NXPE2: variants seen among roughly 807,000 people sequenced by gnomAD.
NXPE2 encodes the protein NXPE family member 2.
In NXPE2, 34 loss-of-function variants were observed where a neutral mutation model predicts 34.4. That is an observed-to-expected ratio of 0.99 (90% CI 0.75 to 1.31). The LOEUF is 1.31. Ranked by LOEUF, NXPE2 falls within the 40% of genes most tolerant of loss-of-function variation. The probability of loss-of-function intolerance (pLI) is 0.00; values close to 1 mark genes in which losing one functional copy is unlikely to be tolerated. For synonymous variants in NXPE2, 235 were observed against 231.3 expected, an observed-to-expected ratio of 1.02 and a Z score of -0.15; for missense variants, 649 against 672.5, an observed-to-expected ratio of 0.97 and a Z score of 0.39.
chr11:114,660,109 G>A, the NXPE2 span, among the ~76,000 whole-genome samples: 4 of 152,132 alleles, frequency 2.6e-5, no homozygotes, highest in African/African-American at 9.6e-5. Flanking sequence ...TAGATAACCT[G>A]AAAATTCTAT....
the NXPE2 span, among the ~76,000 whole-genome samples, chr11:114,464,822 A>C: frequency 1.3e-5 from 2 of 152,080 alleles, no homozygotes; most frequent in East Asian, 3.8e-4. Flanking sequence ...AAAAACTCAT[A>C]CCTAATATAC....
the NXPE2 span, among the ~76,000 whole-genome samples, chr11:114,796,221 T>A: frequency 1.1e-4 from 16 of 152,192 alleles, no homozygotes; most frequent in African/African-American, 3.6e-4. Flanking sequence ...TGTAGAGATT[T>A]GTTACACTGA....
the NXPE2 span, among the ~76,000 whole-genome samples, chr11:114,490,014 G>A: frequency 1.3e-5 from 2 of 152,146 alleles, no homozygotes; most frequent in African/African-American, 2.4e-5. Context: ...GCAGTCTCAG[G>A]ATACAAAATC....
chr11:114,517,828 A>G, the NXPE2 span: 2 of 152,340 alleles, frequency 1.3e-5, no homozygotes, highest in African/African-American at 4.8e-5. Context: ...GGGCCTTCAT[A>G]AACCATGCCC....
the NXPE2 span, among the ~76,000 whole-genome samples, chr11:114,810,320 C>G: frequency 6.7e-6 from 1 of 149,646 alleles, no homozygotes; most frequent in Non-Finnish European, 1.5e-5. Flanking sequence ...GCAATGGCAA[C>G]AAAAGCCAAA....
upstream of NXPE2, chr11:114,678,495 T>G (rs972420546): frequency 8.6e-7 from 1 of 1,167,714 alleles, no homozygotes; most frequent in Admixed American, 2.3e-5. Context: ...ATAGGGAAAC[T>G]CCAACCCTAA....
the NXPE2 span, among the ~76,000 whole-genome samples, chr11:114,517,450 C>T: frequency 2.0e-5 from 3 of 152,140 alleles, no homozygotes; most frequent in Non-Finnish European, 4.4e-5. Flanking sequence ...TTGATTCTTC[C>T]TTCTCTCAGT....
At chr11:114,562,258 G>T in the NXPE2 span, among the ~76,000 whole-genome samples, 8 of 152,174 alleles carry the variant, frequency 5.3e-5, no homozygotes, top group Non-Finnish European at 1.0e-4. Flanking sequence ...TTTCTTCTGG[G>T]AGAGTGGTTA....
the NXPE2 span, among the ~76,000 whole-genome samples, chr11:114,467,979 G>T: frequency 6.6e-6 from 1 of 151,662 alleles, no homozygotes; most frequent in South Asian, 2.1e-4. Flanking sequence ...AGATCCCTAA[G>T]AAATAAGTAG....
the NXPE2 span, among the ~76,000 whole-genome samples, chr11:114,778,996 C>T: frequency 4.6e-5 from 7 of 152,310 alleles, no homozygotes; most frequent in Admixed American, 1.3e-4. Flanking sequence ...ATGCTGGCCA[C>T]GAGCAGGCCT....
chr11:114,495,325 G>A, the NXPE2 span, among the ~76,000 whole-genome samples: 2 of 152,170 alleles, frequency 1.3e-5, no homozygotes, highest in African/African-American at 4.8e-5. Context: ...TCTGGCTGCT[G>A]GTGGGTCCAG....
At chr11:114,483,296 G>C in the NXPE2 span, among the ~76,000 whole-genome samples, 1 of 152,230 alleles carries the variant, frequency 6.6e-6, no homozygotes, top group South Asian at 2.1e-4. Context: ...TGAAAAATAA[G>C]TATAATAATA....
the NXPE2 span, among the ~76,000 whole-genome samples, chr11:114,540,837 C>CTTTTTTTTTTTTTTTTTTTT: frequency 6.3e-5 from 3 of 47,472 alleles, 1 homozygote; most frequent in Non-Finnish European, 4.7e-5. Context: ...AGAAAGCCAT[C>CTTTTTTTTTTTTTTTTTTTT]TTTTTTTTTT....
chr11:114,656,468 C>A, the NXPE2 span, among the ~76,000 whole-genome samples: 252 of 152,158 alleles, frequency 1.7e-3, 3 homozygotes, highest in Admixed American at 0.016. Context: ...CCCTCTATAG[C>A]CAAGACAATT....
chr11:114,640,173 A>AACAC, the NXPE2 span, among the ~76,000 whole-genome samples: 12 of 132,170 alleles, frequency 9.1e-5, no homozygotes, highest in Non-Finnish European at 1.4e-4. Flanking sequence ...TATATAAATA[A>AACAC]TTTATATATT....
At chr11:114,655,212 T>C in the NXPE2 span, among the ~76,000 whole-genome samples, 1 of 152,260 alleles carries the variant, frequency 6.6e-6, no homozygotes, top group South Asian at 2.1e-4. Context: ...TCCTTGTAAA[T>C]GCTGGATATT....
chr11:114,545,940 C>T, the NXPE2 span, among the ~76,000 whole-genome samples: 11 of 152,038 alleles, frequency 7.2e-5, no homozygotes, highest in East Asian at 3.9e-4. Flanking sequence ...CCACCCACCT[C>T]GGCCTCCCAA....
chr11:114,657,885 C>G, the NXPE2 span, among the ~76,000 whole-genome samples: 1 of 152,138 alleles, frequency 6.6e-6, no homozygotes, highest in Non-Finnish European at 1.5e-5. Context: ...TCATTTAACA[C>G]CATCATCTTC....
chr11:114,583,114 T>C, the NXPE2 span: 7 of 1,333,262 alleles, frequency 5.3e-6, no homozygotes, highest in Non-Finnish European at 7.2e-6. Flanking sequence ...GAAATTAACA[T>C]GTTCCTAGTC....
Sources: gnomAD v4.1 joint callset for allele counts (sites outside exome capture counted in the v4.1 genomes callset) on GRCh38, gnomAD v4.1.1 for gene constraint, MANE v1.5 for transcripts, NCBI Gene and HGNC (gene_info 2026-07-23, HGNC 2026-07-21) for gene names.